The following CLYBL variants were observed in gnomAD, a reference collection of about 807,000 sequenced individuals.
CLYBL encodes the protein citramalyl-CoA lyase, mitochondrial.
A neutral mutation model predicts 38.9 loss-of-function variants in CLYBL; 31 were observed. That is an observed-to-expected ratio of 0.80 (90% confidence interval 0.60 to 1.08). The LOEUF is 1.08. CLYBL is among the 50% of genes least tolerant of loss of function. The pLI is 0.00. For synonymous variants in CLYBL, 171 were observed against 158.6 expected, an observed-to-expected ratio of 1.08 and a Z score of -0.59; for missense variants, 434 against 411.6, an observed-to-expected ratio of 1.05 and a Z score of -0.47.
intron 7 of CLYBL, among the ~76,000 whole-genome samples, chr13:99,871,981 T>G (rs7324313): frequency 4.0e-5 from 5 of 125,304 alleles, no homozygotes; most frequent in African/African-American, 1.7e-4. Context: ...TATTAAACAT[T>G]CCCCCCTGCA....
At chr13:99,627,940 G>T (rs1318003190) in intron 1 of CLYBL, among the ~76,000 whole-genome samples, 1 of 152,186 alleles carries the variant, frequency 6.6e-6, no homozygotes, top group African/African-American at 2.4e-5. Context: ...CTGTTTTAAA[G>T]GCTTTTGGGA....
At chr13:99,607,215 AG>A (rs1281928352) in intron 1 of CLYBL, among the ~76,000 whole-genome samples, 2 of 152,160 alleles carry the variant, frequency 1.3e-5, no homozygotes, top group Non-Finnish European at 2.9e-5. Flanking sequence ...TTTGTGCATG[AG>A]GAATTAAACC....
At chr13:99,823,602 G>T (rs1211511509) in intron 2 of CLYBL, among the ~76,000 whole-genome samples, 2 of 152,166 alleles carry the variant, frequency 1.3e-5, no homozygotes, top group Admixed American at 6.5e-5. Flanking sequence ...TGCATTTAAG[G>T]TTCCTCCTTA....
chr13:99,747,120 A>G (rs559318749), intron 1 of CLYBL, among the ~76,000 whole-genome samples: 166 of 152,224 alleles, frequency 1.1e-3, no homozygotes, highest in African/African-American at 3.9e-3. Context: ...GATTAAGGCA[A>G]ATACCCACTA....
At chr13:99,726,519 G>T (rs2048474742) in intron 1 of CLYBL, 1 of 152,198 alleles carries the variant, frequency 6.6e-6, no homozygotes, top group African/African-American at 2.4e-5. Flanking sequence ...CTTAAAACTG[G>T]AGAGATCCAT....
intron 1 of CLYBL, among the ~76,000 whole-genome samples, chr13:99,662,877 A>G (rs1438319586): frequency 1.3e-5 from 2 of 152,094 alleles, no homozygotes; most frequent in Non-Finnish European, 2.9e-5. Context: ...TGTTGCTTAT[A>G]TTTACTTTGC....
intron 1 of CLYBL, among the ~76,000 whole-genome samples, chr13:99,718,149 A>C (rs2048345396): frequency 6.6e-6 from 1 of 151,944 alleles, no homozygotes; most frequent in Non-Finnish European, 1.5e-5. Flanking sequence ...AAAGTACTGA[A>C]ACTATAGGCA....
At chr13:99,808,633 G>A (rs944680069) in intron 2 of CLYBL, among the ~76,000 whole-genome samples, 12 of 152,162 alleles carry the variant, frequency 7.9e-5, no homozygotes, top group African/African-American at 1.7e-4. Context: ...TAATAAAGTC[G>A]TAAATGGTGC....
intron 2 of CLYBL, among the ~76,000 whole-genome samples, chr13:99,811,970 G>A (rs2050351044): frequency 6.6e-6 from 1 of 152,164 alleles, no homozygotes. Flanking sequence ...TATGAAGAGA[G>A]TAGCATGAAT....
chr13:99,654,820 A>G (rs999059651), intron 1 of CLYBL, among the ~76,000 whole-genome samples: 5 of 152,136 alleles, frequency 3.3e-5, no homozygotes, highest in African/African-American at 1.2e-4. Context: ...CCTGGCTAAC[A>G]CGGTGAAACC....
intron 1 of CLYBL, among the ~76,000 whole-genome samples, chr13:99,691,940 G>A (rs943246981): frequency 4.6e-5 from 7 of 152,172 alleles, no homozygotes; most frequent in Non-Finnish European, 1.0e-4. Flanking sequence ...CATGTTGCAC[G>A]GAGCTCCCGG....
intron 1 of CLYBL, among the ~76,000 whole-genome samples, chr13:99,748,997 G>A (rs1394781689): frequency 6.6e-6 from 1 of 151,894 alleles, no homozygotes; most frequent in African/African-American, 2.4e-5. Context: ...TGGACCACAT[G>A]GTGAAACCCC....
At chr13:99,716,459 C>T (rs2048317014) in intron 1 of CLYBL, among the ~76,000 whole-genome samples, 1 of 149,806 alleles carries the variant, frequency 6.7e-6, no homozygotes, top group Admixed American at 6.7e-5. Context: ...TCTCGGCTCA[C>T]TGCAACCTCC....
chr13:99,868,906 T>A (rs917885869), intron 6 of CLYBL, among the ~76,000 whole-genome samples: 1 of 152,162 alleles, frequency 6.6e-6, no homozygotes, highest in Non-Finnish European at 1.5e-5. Flanking sequence ...ATCATACAGT[T>A]ACCTAAAAGA....
intron 1 of CLYBL, among the ~76,000 whole-genome samples, chr13:99,609,294 A>G (rs1177943542): frequency 6.9e-6 from 1 of 145,030 alleles, no homozygotes; most frequent in Non-Finnish European, 1.5e-5. Context: ...CTCCTGCTCC[A>G]GCTTCCCGAG....
At chr13:99,907,529 A>G (rs1056365856) in intron 9 of CLYBL, among the ~76,000 whole-genome samples, 2 of 151,608 alleles carry the variant, frequency 1.3e-5, no homozygotes, top group Non-Finnish European at 2.9e-5. Flanking sequence ...TTCTTTTTAC[A>G]TTTTTGTATT....
intron 1 of CLYBL, among the ~76,000 whole-genome samples, chr13:99,670,289 T>G (rs1185017959): frequency 6.6e-6 from 1 of 152,122 alleles, no homozygotes; most frequent in Non-Finnish European, 1.5e-5. Flanking sequence ...CCCAGGAGTT[T>G]GAGGCTATAG....
intron 2 of CLYBL, among the ~76,000 whole-genome samples, chr13:99,782,969 C>G (rs908506212): frequency 1.3e-5 from 2 of 151,936 alleles, no homozygotes; most frequent in Non-Finnish European, 2.9e-5. Context: ...GTTTAATTTC[C>G]AGTTTTCTAA....
At position 99,698,293 on chromosome 13, in the gene CLYBL, G is replaced by A. The variant is rs573523541; in HGVS notation, c.63-74531G>A. 1.2e-3 allele frequency among the ~76,000 whole-genome samples: 187 copies of A among 151,546 alleles called. 1 individual carries two copies. Among genetic ancestry groups the A allele is most frequent in the African/African-American group, 4.4e-3 (182 of 41,294 alleles). On this transcript the variant is annotated intron_variant, in intron 1 of 8. Coordinates refer to ENST00000339105, the MANE Select transcript of CLYBL (RefSeq NM_206808.5). The stretch of plus-strand genomic sequence containing the variant: ...TGCAACCTCCACCTCCCAGGTTCAA[G>A]CTATTCTTCTGCCTCAGCCTCCCGA...
Sources: gnomAD v4.1 joint callset for allele counts (sites outside exome capture counted in the v4.1 genomes callset) on GRCh38, gnomAD v4.1.1 for gene constraint, MANE v1.5 for transcripts, NCBI Gene and HGNC (gene_info 2026-07-23, HGNC 2026-07-21) for gene names.